Variants in SLCO4A1 observed in about 807,000 individuals in gnomAD.
The protein encoded by SLCO4A1 is solute carrier organic anion transporter family member 4A1.
Under a neutral mutation model 64.6 loss-of-function variants are expected in SLCO4A1, and 51 were observed. That is an observed-to-expected ratio of 0.79 (90% confidence interval 0.63 to 1.00). The LOEUF is 1.00. Among genes scored for constraint, SLCO4A1 ranks in the 50% least tolerant of loss-of-function variants. The pLI is 0.00. For synonymous variants in SLCO4A1, 471 were observed against 444.9 expected (o/e 1.06, Z -0.74); for missense variants, 919 against 980.5 (o/e 0.94, Z 0.84).
chr20:62,643,882 C>A (rs189609790), intron 1 of SLCO4A1, among the ~76,000 whole-genome samples: 98 of 152,318 alleles, frequency 6.4e-4, no homozygotes, highest in African/African-American at 2.2e-3. Context: ...CACGAGGTGG[C>A]CATTATCACT....
At chr20:62,648,578 A>C (rs1163570541) in intron 1 of SLCO4A1, among the ~76,000 whole-genome samples, 3 of 152,198 alleles carry the variant, frequency 2.0e-5, no homozygotes, top group Non-Finnish European at 2.9e-5. Flanking sequence ...TCAGGAGTAC[A>C]AGGCCATGGG....
chr20:62,658,812 T>A, intron 3 of SLCO4A1, 45 bp downstream of exon 3: 1 of 1,494,712 alleles, frequency 6.7e-7, no homozygotes, highest in Non-Finnish European at 9.2e-7. Context: ...GAGGCCCACG[T>A]GTCTCTGGAA....
rs1483232726 is a variant in SLCO4A1 at position 62,656,535 on chromosome 20, C to T, written c.81C>T (p.Thr27=). The change falls in exon 2 of 12, where the codon ACC becomes ACT. Residue 27 remains threonine (T), a synonymous_variant. Transcript: ENST00000217159. ...CCATGGAAAACGGGCTTGACCACAC[C>T]CCACCCAGCAGGAGGGCATCCCCGG... is the stretch of plus-strand genomic sequence containing the variant. ...NSAMENGLDH[T]PPSRRASPGT... The T allele has an allele frequency of 1.9e-6, 3 of 1,577,850 alleles. No homozygotes were observed. The highest frequency in any genetic ancestry group is 2.7e-5 in the African/African-American group (2 of 74,084).
At chr20:62,673,167 G>C (rs1239652417), downstream of SLCO4A1, among the ~76,000 whole-genome samples, 2 of 142,710 alleles carry the variant, frequency 1.4e-5, no homozygotes, top group African/African-American at 2.5e-5. Context: ...AGGGGCATGG[G>C]GGGGGCACAG....
chr20:62,661,051 T>A lies in SLCO4A1; in HGVS notation c.1010-13T>A. On this transcript the variant is annotated splice_polypyrimidine_tract_variant and intron_variant, in intron 4 of 11. Transcript: ENST00000217159. The surrounding 1 kb of genome is among the most constrained non-coding windows in gnomAD (Gnocchi z 5.2). The stretch of plus-strand genomic sequence containing the variant: ...CCCAGCCCCCAGCCCCAGCTCACTC[T>A]GTGCCCTTCCAGGCTCCCAGCGCTA... The A allele has an allele frequency of 1.9e-6, 1 of 535,368 alleles. No homozygotes were observed. The highest frequency in any genetic ancestry group is 3.5e-6 in the Non-Finnish European group (1 of 289,008). 33.2% of individuals were successfully genotyped at this position (535,368 alleles called of 1,614,324 possible).
At chr20:62,677,967 T>C (rs1443360545) in intron 2 of SLCO4A1, among the ~76,000 whole-genome samples, 1 of 152,216 alleles carries the variant, frequency 6.6e-6, no homozygotes, top group Non-Finnish European at 1.5e-5. Context: ...TAGCCACACC[T>C]GCAGATTTGG....
chr20:62,686,823 G>A (rs1449333616), downstream of SLCO4A1, among the ~76,000 whole-genome samples: 1 of 151,950 alleles, frequency 6.6e-6, no homozygotes. Flanking sequence ...ATTGCAGGCA[G>A]ATGAAAAGGG....
chr20:62,659,500 A>G (rs1253455341), intron 3 of SLCO4A1, among the ~76,000 whole-genome samples: 1 of 152,116 alleles, frequency 6.6e-6, no homozygotes, highest in Non-Finnish European at 1.5e-5. Context: ...TCGGATTGAT[A>G]ATGTGGGGTC....
At chr20:62,649,761 A>T (rs1206932064) in intron 1 of SLCO4A1, 2 of 152,492 alleles carry the variant, frequency 1.3e-5, no homozygotes, top group Non-Finnish European at 2.9e-5. Context: ...GCCTTCCACA[A>T]CTGCCTTTCA....
chr20:62,681,338 C>T (rs1333929148), intron 2 of SLCO4A1, among the ~76,000 whole-genome samples: 1 of 152,208 alleles, frequency 6.6e-6, no homozygotes, highest in African/African-American at 2.4e-5. Context: ...AGCCCATCAA[C>T]CTTATTCTGA....
chr20:62,680,929 G>T (rs1427589742), intron 2 of SLCO4A1, among the ~76,000 whole-genome samples: 1 of 152,150 alleles, frequency 6.6e-6, no homozygotes, highest in African/African-American at 2.4e-5. Flanking sequence ...TTTCCAGACA[G>T]GGTCTCACTC....
chr20:62,666,291 C>T (rs1986320155), intron 6 of SLCO4A1, 89 bp from the exon 7 acceptor site: 1 of 1,171,254 alleles, frequency 8.5e-7, no homozygotes. Flanking sequence ...TCAGTTTCCC[C>T]ACCTGTAAAG....
chr20:62,665,478 C>T (rs920913722), intron 6 of SLCO4A1: 1 of 174,968 alleles, frequency 5.7e-6, no homozygotes, highest in East Asian at 1.6e-4. Context: ...GGCAGGCTGG[C>T]CTTCCCAGGC....
At chr20:62,689,565 C>T (rs1350481946), downstream of SLCO4A1, among the ~76,000 whole-genome samples, 2 of 152,226 alleles carry the variant, frequency 1.3e-5, no homozygotes, top group Non-Finnish European at 2.9e-5. Context: ...ACCCCAGCCC[C>T]AGCAGGGCCC....
At chr20:62,643,269 G>C (rs528582057) in intron 1 of SLCO4A1, 14 of 332,830 alleles carry the variant, frequency 4.2e-5, no homozygotes, top group African/African-American at 3.2e-4. Flanking sequence ...TCGCGTTGCT[G>C]TTGGGCTCCC....
downstream of SLCO4A1, among the ~76,000 whole-genome samples, chr20:62,687,174 GCCCCCAAACAGGAGCGATGGAAAGGGCA>G (rs1349469110): frequency 1.1e-3 from 155 of 138,094 alleles, no homozygotes; most frequent in Non-Finnish European, 9.6e-4. Context: ...TGGAAAGGGC[GCCCCCAAACAGGAGCGATGGAAAGGGCA>G]CCCCCAAACA....
At chr20:62,681,455 C>T (rs73918621) in intron 2 of SLCO4A1, among the ~76,000 whole-genome samples, 102 of 106,810 alleles carry the variant, frequency 9.5e-4, no homozygotes, top group African/African-American at 3.7e-3. Context: ...TGTATTAAGC[C>T]GTGTGTACAC....
chr20:62,657,135 G>A lies in SLCO4A1; in HGVS notation c.681G>A (p.Gln227=). 1 of 1,570,702 alleles carries A rather than the reference G, an allele frequency of 6.4e-7. No homozygotes were observed. The highest frequency in any genetic ancestry group is 8.6e-7 in the Non-Finnish European group (1 of 1,159,374). The change falls in exon 2 of 12, where the codon CAG becomes CAA. Residue 227 remains glutamine (Q), a synonymous_variant. Coordinates refer to ENST00000217159, the MANE Select transcript of SLCO4A1 (RefSeq NM_016354.4). ...GCACCTCGGGCCTGTCCCGCTACCA[G>A]CTGGTCTTCATGCTGGGCCAGTTCC... is the stretch of plus-strand genomic sequence containing the variant. The part of the protein sequence containing the change: ...ADSTSGLSRY[Q]LVFMLGQFLH...
At position 62,671,881 on chromosome 20, in the gene SLCO4A1, G is replaced by A. The variant is rs766551924; in HGVS notation, c.2157G>A (p.Gln719=). 33 of 1,611,798 alleles carry A rather than the reference G, an allele frequency of 2.0e-5. No individual in the cohort carries two copies. Among genetic ancestry groups the A allele is most frequent in the Admixed American group, 6.7e-5 (4 of 60,010 alleles). Reference sequence around the variant, plus strand: ...ACAGTGCCACAGATAGCCAGCTCCAGAGCAGCGTCTGACCACCGCCCGCGC... The same window carrying A: ...ACAGTGCCACAGATAGCCAGCTCCAAAGCAGCGTCTGACCACCGCCCGCGC... ...APDSATDSQL[Q]SSV The change falls in exon 12 of 12, where the codon CAG becomes CAA. Residue 719 remains glutamine, a synonymous_variant. Transcript: ENST00000217159.
Sources: gnomAD v4.1 joint callset for allele counts (sites outside exome capture counted in the v4.1 genomes callset) on GRCh38, gnomAD v4.1.1 for gene constraint, Gnocchi (gnomAD v3.1) non-coding constraint, MANE v1.5 for transcripts, NCBI Gene and HGNC (gene_info 2026-07-23, HGNC 2026-07-21) for gene names.